RERE: variants seen among roughly 807,000 people sequenced by gnomAD.
RERE encodes arginine-glutamic acid dipeptide repeats, also known as arginine-glutamic acid dipeptide repeats protein.
RERE carries 40 observed loss-of-function variants against 146.1 expected under a neutral mutation model. That is an observed-to-expected ratio of 0.27 (90% CI 0.21 to 0.36). The LOEUF is 0.36. RERE is among the 10% of genes least tolerant of loss of function. The pLI is 1.00. For synonymous variants in RERE, 1,003 were observed against 866.0 expected (o/e 1.16, Z -2.78); for missense variants, 1,933 against 2,138.7 (o/e 0.90, Z 1.90).
At chr1:8,731,810 TTTTG>T (rs1640092438) in intron 1 of RERE, among the ~76,000 whole-genome samples, 1 of 152,084 alleles carries the variant, frequency 6.6e-6, no homozygotes. Context: ...GTTTGTTTTG[TTTTG>T]TTTTTTTGAG....
intron 1 of RERE, among the ~76,000 whole-genome samples, chr1:8,748,913 A>G (rs528891770): frequency 6.6e-5 from 10 of 152,294 alleles, no homozygotes; most frequent in African/African-American, 2.4e-4. Flanking sequence ...AGAGGAGCTA[A>G]TTAAATAAGT....
intron 10 of RERE, among the ~76,000 whole-genome samples, chr1:8,476,857 T>A (rs1644763581): frequency 6.6e-6 from 1 of 152,200 alleles, no homozygotes; most frequent in Non-Finnish European, 1.5e-5. Context: ...CAACATTCCT[T>A]CACTTAACAA....
At chr1:8,789,333 ACT>A (rs1641322356) in intron 1 of RERE, among the ~76,000 whole-genome samples, 1 of 133,822 alleles carries the variant, frequency 7.5e-6, no homozygotes, top group Admixed American at 7.8e-5. Flanking sequence ...TATGAGAGAT[ACT>A]AAATGAAAGC....
intron 4 of RERE, among the ~76,000 whole-genome samples, chr1:8,607,783 T>C (rs1646739889): frequency 6.9e-6 from 1 of 144,582 alleles, no homozygotes; most frequent in Non-Finnish European, 1.5e-5. Context: ...TTGAGTGCAG[T>C]GGTGTGATCT....
At chr1:8,477,140 T>A (rs1644766546) in intron 10 of RERE, among the ~76,000 whole-genome samples, 1 of 152,188 alleles carries the variant, frequency 6.6e-6, no homozygotes, top group South Asian at 2.1e-4. Context: ...AATTAATCAT[T>A]TACATAGTTA....
chr1:8,745,149 T>C lies in RERE; in HGVS notation c.-145+72011A>G, dbSNP rs553644590. Among the ~76,000 whole-genome samples, 130 of 151,760 alleles carry C rather than the reference T, an allele frequency of 8.6e-4. 1 individual carries two copies. The highest frequency in any genetic ancestry group is 2.0e-3 in the Admixed American group (31 of 15,206). On this transcript the variant is annotated intron_variant, in intron 1 of 22. Transcript: ENST00000400908. Reference sequence around the variant, plus strand: ...GTCTAGGGAGAGGCCTGGCAGGAGGTGATTGGATCACAGGGCAGTTTCCCC... The same window carrying C: ...GTCTAGGGAGAGGCCTGGCAGGAGGCGATTGGATCACAGGGCAGTTTCCCC...
intron 11 of RERE, among the ~76,000 whole-genome samples, chr1:8,462,966 G>A (rs569902297): frequency 3.3e-5 from 5 of 152,320 alleles, no homozygotes; most frequent in African/African-American, 1.2e-4. Context: ...GTAGGCCCAT[G>A]TATTTATGTT....
chr1:8,735,273 T>C (rs1031651447), intron 1 of RERE, among the ~76,000 whole-genome samples: 8 of 152,186 alleles, frequency 5.3e-5, no homozygotes, highest in Non-Finnish European at 1.0e-4. Flanking sequence ...AATTAAACCT[T>C]CCAGCAGTTA....
At chr1:8,375,994 C>T (rs574149962) in intron 12 of RERE, among the ~76,000 whole-genome samples, 1 of 152,318 alleles carries the variant, frequency 6.6e-6, no homozygotes, top group African/African-American at 2.4e-5. Context: ...AATAGATAAA[C>T]CTTCATTTTC....
In RERE at chr1:8,771,909, CAAAAAAAAAA is replaced by C. The variant is rs768264978; in HGVS notation, c.-145+45241_-145+45250del. On this transcript the variant is annotated intron_variant, in intron 1 of 22. Coordinates refer to ENST00000400908, the MANE Select transcript of RERE (RefSeq NM_001042681.2). ...TGGGTGACAGAGTGAGACTCTGTCT[CAAAAAAAAAA>C]AAAAAAAAAAGAAAGAAAAAAGAAA... Among the ~76,000 whole-genome samples the C allele has an allele frequency of 2.7e-3, 161 of 59,458 alleles. 2 individuals are homozygous for C. The highest frequency in any genetic ancestry group is 9.7e-3 in the African/African-American group (158 of 16,316). 39.0% of individuals were successfully genotyped at this position (59,458 alleles called of 152,430 possible).
intron 3 of RERE, among the ~76,000 whole-genome samples, chr1:8,617,003 TATAG>T (rs1248736208): frequency 6.6e-6 from 1 of 151,498 alleles, no homozygotes; most frequent in Admixed American, 6.6e-5. Context: ...GGGAGGGGAG[TATAG>T]ATATACAACC....
Position 8,423,592 on chromosome 1 carries a change from G to T in RERE, c.1204-785C>A, listed in dbSNP as rs1333636511. 2.6e-5 allele frequency: 26 copies of T among 985,032 alleles called. No homozygotes were observed. Among genetic ancestry groups the T allele is most frequent in the Non-Finnish European group, 3.1e-5 (26 of 829,858 alleles). The allele number at this position is 985,032 out of a possible 1,614,324, so 61.0% of individuals were successfully genotyped here. On this transcript the variant is annotated intron_variant, in intron 11 of 22. Transcript: ENST00000400908. The surrounding 1 kb of genome is among the most constrained non-coding windows in gnomAD (Gnocchi z 5.4). The stretch of plus-strand genomic sequence containing the variant: ...GCTCCCAGCCTGGTCCCGGGCGGCC[G>T]ACCCCAGCAGCCACAGGTAAGCGCC...
chr1:8,648,241 C>G lies in RERE; in HGVS notation c.325+7732G>C, dbSNP rs1210530651. On this transcript the variant is annotated intron_variant, in intron 2 of 22. Coordinates refer to ENST00000400908, the MANE Select transcript of RERE (RefSeq NM_001042681.2). ...TCATGTTTCATGTTGAAATCATTTACCTGTTTTTGCGATGGGGTCTCACTC... is the reference window on the plus strand; with the variant it reads ...TCATGTTTCATGTTGAAATCATTTAGCTGTTTTTGCGATGGGGTCTCACTC... Among the ~76,000 whole-genome samples, 3 of 152,114 alleles carry G rather than the reference C, an allele frequency of 2.0e-5. 1 individual carries two copies. In the East Asian group the frequency reaches 5.8e-4, roughly 29 times the overall value.
intron 1 of RERE, among the ~76,000 whole-genome samples, chr1:8,689,106 A>G (rs1557482797): frequency 6.7e-6 from 1 of 150,194 alleles, no homozygotes; most frequent in African/African-American, 2.4e-5. Flanking sequence ...TAAAAATTTG[A>G]TTTTTTTTTT....
At chr1:8,442,669 C>T (rs1644265380) in intron 11 of RERE, among the ~76,000 whole-genome samples, 1 of 152,028 alleles carries the variant, frequency 6.6e-6, no homozygotes, top group African/African-American at 2.4e-5. Context: ...TAGGGTACTG[C>T]TATAAAGACA....
chr1:8,631,556 T>C (rs1364688604), intron 2 of RERE, among the ~76,000 whole-genome samples: 1 of 152,128 alleles, frequency 6.6e-6, no homozygotes, highest in East Asian at 1.9e-4. Context: ...GTAGCAGAAA[T>C]CTTATTAGTT....
At chr1:8,501,758 G>A (rs1397344505) in intron 8 of RERE, among the ~76,000 whole-genome samples, 15 of 129,238 alleles carry the variant, frequency 1.2e-4, no homozygotes, top group African/African-American at 4.1e-4. Flanking sequence ...CGGGAGGGAG[G>A]TGGGGGGATC....
chr1:8,747,810 C>T (rs575890937), intron 1 of RERE, among the ~76,000 whole-genome samples: 3 of 152,168 alleles, frequency 2.0e-5, no homozygotes, highest in Non-Finnish European at 4.4e-5. Flanking sequence ...TTTGCTCTGT[C>T]GCCCGCGCTG....
At chr1:8,533,922 A>T (rs1164324890) in intron 7 of RERE, among the ~76,000 whole-genome samples, 1 of 152,248 alleles carries the variant, frequency 6.6e-6, no homozygotes, top group Admixed American at 6.5e-5. Flanking sequence ...GTTTTATTAA[A>T]GTTATCTTAA....
Sources: allele counts gnomAD v4.1 joint callset (sites outside exome capture counted in the v4.1 genomes callset), GRCh38; gene constraint gnomAD v4.1.1; non-coding constraint Gnocchi (gnomAD v3.1); transcripts MANE v1.5; gene names NCBI Gene and HGNC (gene_info 2026-07-23, HGNC 2026-07-21).